ANKRD30B: variants seen among roughly 807,000 people sequenced by gnomAD.
ANKRD30B encodes ankyrin repeat domain-containing protein 30B.
In ANKRD30B, 144 loss-of-function variants were observed where a neutral mutation model predicts 202.2. The observed-to-expected ratio is 0.71, with a 90% CI of 0.62 to 0.82. The LOEUF (loss-of-function observed/expected upper bound fraction) is 0.82. Among genes scored for constraint, ANKRD30B ranks in the 40% least tolerant of loss-of-function variants. The pLI, the probability that ANKRD30B is intolerant of heterozygous loss-of-function variation, is 0.00. For synonymous variants in ANKRD30B, 508 were observed against 561.3 expected (o/e 0.91, Z 1.34); for missense variants, 1,487 against 1,669.1 (o/e 0.89, Z 1.90).
intron 1 of ANKRD30B, 98 bp downstream of exon 1, chr18:14,748,738 G>A (rs1912898579): frequency 1.6e-6 from 2 of 1,248,260 alleles, no homozygotes; most frequent in East Asian, 5.2e-5. Flanking sequence ...GGGACGAGGG[G>A]AGCAGGTGGA....
chr18:14,783,277 T>A (rs1396385045), intron 12 of ANKRD30B, among the ~76,000 whole-genome samples: 2 of 152,138 alleles, frequency 1.3e-5, no homozygotes, highest in Admixed American at 6.5e-5. Context: ...ATACACAGTA[T>A]CATTCAGCAC....
chr18:14,771,983 G>T (rs1967030842), intron 8 of ANKRD30B, among the ~76,000 whole-genome samples, 173 bp from the exon 9 acceptor site: 1 of 152,080 alleles, frequency 6.6e-6, no homozygotes, highest in South Asian at 2.1e-4. Flanking sequence ...TAAAAACAGA[G>T]GACATATTTT....
At chr18:14,843,581 G>GTGTGTGTA (rs1198807476) in intron 39 of ANKRD30B, among the ~76,000 whole-genome samples, 3 of 150,848 alleles carry the variant, frequency 2.0e-5, no homozygotes, top group Non-Finnish European at 4.4e-5. Context: ...GTGTGTGTGT[G>GTGTGTGTA]TGTGTGTGTG....
the ANKRD30B span, among the ~76,000 whole-genome samples, chr18:14,890,694 G>A: frequency 0.97 from 138,557 of 142,468 alleles, 67,520 homozygotes; most frequent in Middle Eastern, 1. Flanking sequence ...GCTCTTGAAT[G>A]TACTGAAAGT....
At position 14,810,205 on chromosome 18, in the gene ANKRD30B, C is replaced by T. The variant is rs373711967; in HGVS notation, c.2488+25C>T. 38 of 1,270,600 alleles carry T rather than the reference C, an allele frequency of 3.0e-5. 2 individuals are homozygous for T. The highest frequency in any genetic ancestry group is 3.4e-5 in the Non-Finnish European group (31 of 922,476). 78.7% of individuals were successfully genotyped at this position (1,270,600 alleles called of 1,614,324 possible). On this transcript the variant is annotated intron_variant, in intron 28 of 43. Transcript: ENST00000690538. ...GGTAAACTTTGTAATTTAAATTTTA[C>T]TCTGGAATTAAGAATATTAAACTAT...
rs138857522 is a variant in ANKRD30B at position 14,757,499 on chromosome 18, T to A, written c.618-316T>A. Among the ~76,000 whole-genome samples the A allele has an allele frequency of 1.3e-5, 2 of 152,330 alleles. 1 individual carries two copies. Among genetic ancestry groups the A allele is most frequent in the East Asian group, 3.9e-4 (2 of 5,184 alleles). On this transcript the variant is annotated intron_variant, in intron 4 of 43. Transcript: ENST00000690538. ...GTCTGACTTCTAGCTGATTTTTAAG[T>A]ATAAAATATTATATCAGACTAAGCA...
chr18:14,805,242 A>G (rs547679819), intron 24 of ANKRD30B, among the ~76,000 whole-genome samples: 13 of 151,096 alleles, frequency 8.6e-5, no homozygotes, highest in Admixed American at 2.0e-4. Flanking sequence ...TAAAAACCAT[A>G]ATTCTGAATT....
At chr18:14,889,068 A>G in the ANKRD30B span, among the ~76,000 whole-genome samples, 662 of 151,708 alleles carry the variant, frequency 4.4e-3, 3 homozygotes, top group African/African-American at 0.016. Flanking sequence ...CTTATGTAGT[A>G]TATTTGCATA....
chr18:14,918,077 G>A, the ANKRD30B span, among the ~76,000 whole-genome samples: 17 of 152,144 alleles, frequency 1.1e-4, no homozygotes, highest in Non-Finnish European at 1.9e-4. Context: ...GGGTGTGGAT[G>A]AGAAGGGTAG....
intron 16 of ANKRD30B, among the ~76,000 whole-genome samples, chr18:14,794,164 G>A (rs1968716967): frequency 6.6e-6 from 1 of 152,106 alleles, no homozygotes; most frequent in Non-Finnish European, 1.5e-5. Flanking sequence ...AAAAACTCCA[G>A]TGTACCCCTT....
chr18:14,764,595 A>G (rs1239175640), intron 7 of ANKRD30B, among the ~76,000 whole-genome samples: 1 of 151,902 alleles, frequency 6.6e-6, no homozygotes, highest in East Asian at 1.9e-4. Context: ...GGGTTCCACT[A>G]TATTGGCCAA....
intron 32 of ANKRD30B, chr18:14,825,389 A>G (rs1315813503): frequency 6.6e-6 from 1 of 152,178 alleles, no homozygotes; most frequent in African/African-American, 2.4e-5. Context: ...GTACAGATTA[A>G]ATGACAAAAC....
chr18:14,911,185 A>AT, the ANKRD30B span, among the ~76,000 whole-genome samples: 103 of 150,420 alleles, frequency 6.8e-4, no homozygotes, highest in Non-Finnish European at 1.1e-3. Flanking sequence ...TTAGTCATAC[A>AT]TTTTTTTTTG....
intron 14 of ANKRD30B, among the ~76,000 whole-genome samples, chr18:14,786,044 CAAAAAAAAAAAAAA>C (rs10572502): frequency 1.4e-5 from 1 of 72,714 alleles, no homozygotes; most frequent in Non-Finnish European, 2.3e-5. Flanking sequence ...GACTCCGTCT[CAAAAAAAAAAAAAA>C]AAAAAAAAAA....
intron 7 of ANKRD30B, among the ~76,000 whole-genome samples, chr18:14,767,782 A>T (rs1253337607): frequency 6.6e-6 from 1 of 152,220 alleles, no homozygotes. Flanking sequence ...TTTATATTTC[A>T]TCATACTCCT....
chr18:14,938,665 A>G, the ANKRD30B span, among the ~76,000 whole-genome samples: 3 of 152,172 alleles, frequency 2.0e-5, no homozygotes, highest in Non-Finnish European at 2.9e-5. Flanking sequence ...CGCTGACCAG[A>G]TGTTTAAAAT....
At chr18:14,800,420 G>C (rs1386000127) in intron 22 of ANKRD30B, among the ~76,000 whole-genome samples, 90 of 150,636 alleles carry the variant, frequency 6.0e-4, no homozygotes, top group Admixed American at 1.2e-3. Context: ...CACCTCCCAG[G>C]TTCACGCCAT....
In ANKRD30B at chr18:14,752,695, G is replaced by GT. The variant is rs1567975586; in HGVS notation, c.336+21dup. 5 of 1,585,260 alleles carry GT rather than the reference G, an allele frequency of 3.2e-6. No individual in the cohort carries two copies. The highest frequency in any genetic ancestry group is 1.7e-4 in the Middle Eastern group (1 of 6,000). On this transcript the variant is annotated intron_variant, in intron 2 of 43. Coordinates refer to ENST00000690538, the MANE Select transcript of ANKRD30B (RefSeq NM_001367607.2). ...CTCTGATGAAGGTAAATAGTAGCCA[G>GT]TTTTTTCAGCGGGAGATGGATTTGG...
At chr18:14,772,394 T>C (rs1967061704) in intron 9 of ANKRD30B, among the ~76,000 whole-genome samples, 166 bp downstream of exon 9, 1 of 152,112 alleles carries the variant, frequency 6.6e-6, no homozygotes, top group South Asian at 2.1e-4. Context: ...GTTTTTTTTT[T>C]TTTTACTTTA....
Sources: gnomAD v4.1 joint callset for allele counts (sites outside exome capture counted in the v4.1 genomes callset) on GRCh38, gnomAD v4.1.1 for gene constraint, MANE v1.5 for transcripts, NCBI Gene and HGNC (gene_info 2026-07-23, HGNC 2026-07-21) for gene names.